The following PDZRN3 variants were observed in gnomAD, a reference collection of about 807,000 sequenced individuals.
PDZRN3 encodes E3 ubiquitin-protein ligase PDZRN3.
In PDZRN3, 38 loss-of-function variants were observed where a neutral mutation model predicts 85.7. The ratio of observed to expected loss-of-function variants is 0.44; its 90% CI spans 0.34 to 0.58. The LOEUF (loss-of-function observed/expected upper bound fraction) is 0.58, where lower values mean the gene tolerates loss of function less well. Ranked by LOEUF, PDZRN3 falls within the 20% of genes least tolerant of loss-of-function variation. The probability of loss-of-function intolerance (pLI) is 0.01; values close to 1 mark genes in which losing one functional copy is unlikely to be tolerated. For missense variants in PDZRN3, 1,629 were observed against 1,506.4 expected (o/e 1.08, Z -1.35); for synonymous variants, 759 against 638.0 (o/e 1.19, Z -2.86).
chr3:73,470,036 G>A lies in PDZRN3; in HGVS notation c.919-65641C>T, dbSNP rs144897160. Among the ~76,000 whole-genome samples, 1,101 of 152,186 alleles carry A rather than the reference G, an allele frequency of 7.2e-3. 11 individuals carry two copies. Among genetic ancestry groups the A allele is most frequent in the African/African-American group, 0.025 (1,038 of 41,508 alleles). On this transcript the variant is annotated intron_variant, in intron 3 of 9. Coordinates refer to ENST00000263666, the MANE Select transcript of PDZRN3 (RefSeq NM_015009.3). Reference sequence around the variant, plus strand: ...CTCCTCAGCAGTGACAACCAAAAACGTCTCCAGACATTATTAAATGTTCCT... The same window carrying A: ...CTCCTCAGCAGTGACAACCAAAAACATCTCCAGACATTATTAAATGTTCCT...
At position 73,516,656 on chromosome 3, in the gene PDZRN3, G is replaced by A. The variant is rs529841658; in HGVS notation, c.918+85698C>T. On this transcript the variant is annotated intron_variant, in intron 3 of 9. Coordinates refer to ENST00000263666, the MANE Select transcript of PDZRN3 (RefSeq NM_015009.3). Reference sequence around the variant, plus strand: ...ACCAATCTTTTTCTTTATGGTTTCTGGGTAGGCTGGATAAAAAATAGATTT... The same window carrying A: ...ACCAATCTTTTTCTTTATGGTTTCTAGGTAGGCTGGATAAAAAATAGATTT... 4.5e-4 allele frequency among the ~76,000 whole-genome samples: 69 copies of A among 152,180 alleles called. 1 individual carries two copies. The highest frequency in any genetic ancestry group is 1.4e-3 in the African/African-American group (60 of 41,510).
chr3:73,615,878 G>GA (rs1559758805), intron 1 of PDZRN3, among the ~76,000 whole-genome samples: 1 of 151,952 alleles, frequency 6.6e-6, no homozygotes, highest in East Asian at 1.9e-4. Flanking sequence ...CCTAAATAAA[G>GA]AAAAAAGTGC....
chr3:73,503,374 G>A (rs1704017001), intron 3 of PDZRN3, among the ~76,000 whole-genome samples: 1 of 152,062 alleles, frequency 6.6e-6, no homozygotes, highest in African/African-American at 2.4e-5. Flanking sequence ...TTAAACATCT[G>A]GGAATGCATA....
intron 3 of PDZRN3, among the ~76,000 whole-genome samples, chr3:73,500,919 CT>C (rs1173674991): frequency 2.0e-5 from 3 of 151,756 alleles, no homozygotes; most frequent in East Asian, 1.9e-4. Context: ...TATATCATTT[CT>C]TTTTTTTTCT....
intron 2 of PDZRN3, among the ~76,000 whole-genome samples, chr3:73,607,245 C>A (rs967871348): frequency 6.6e-5 from 10 of 152,202 alleles, no homozygotes; most frequent in African/African-American, 2.4e-4. Flanking sequence ...ATTTTAATTT[C>A]ATTATTTAAA....
Position 73,505,286 on chromosome 3 carries a change from C to T in PDZRN3, c.918+97068G>A, listed in dbSNP as rs1704050088. On this transcript the variant is annotated intron_variant, in intron 3 of 9. Coordinates refer to ENST00000263666, the MANE Select transcript of PDZRN3 (RefSeq NM_015009.3). ...CTCTGATTGAGCCCTTTGAGAAAAC[C>T]CCAGTCCTTAAAGATAGACTTTGCT... is the stretch of plus-strand genomic sequence containing the variant. Among the ~76,000 whole-genome samples, 4 of 152,078 alleles carry T rather than the reference C, an allele frequency of 2.6e-5. No individual in the cohort carries two copies. In the South Asian group the frequency reaches 8.3e-4, roughly 32 times the overall value.
chr3:73,568,658 C>T (rs559124172), intron 3 of PDZRN3, among the ~76,000 whole-genome samples: 4 of 152,316 alleles, frequency 2.6e-5, no homozygotes, highest in South Asian at 2.1e-4. Flanking sequence ...TATGGTAGCA[C>T]ATGGCAGCAG....
chr3:73,390,929 G>A lies in PDZRN3; in HGVS notation c.1353+89C>T. ...ATTTGTGTCTTTCCAAAGAGATCTTGATGAGGTGGGTTAGGGTTGGTGAAC... is the reference window on the plus strand; with the variant it reads ...ATTTGTGTCTTTCCAAAGAGATCTTAATGAGGTGGGTTAGGGTTGGTGAAC... On this transcript the variant is annotated intron_variant, in intron 6 of 9. Coordinates refer to ENST00000263666, the MANE Select transcript of PDZRN3 (RefSeq NM_015009.3). 5.2e-6 allele frequency: 4 copies of A among 767,160 alleles called. 1 individual carries two copies. Among genetic ancestry groups the A allele is most frequent in the Middle Eastern group, 2.6e-4 (1 of 3,892 alleles). 47.5% of individuals were successfully genotyped at this position (767,160 alleles called of 1,614,324 possible). A position where few individuals can be genotyped will look rare whatever the true frequency, so the allele number is the denominator to read the frequency against.
chr3:73,592,010 T>G (rs759096789), intron 3 of PDZRN3, among the ~76,000 whole-genome samples: 1 of 152,194 alleles, frequency 6.6e-6, no homozygotes, highest in Non-Finnish European at 1.5e-5. Context: ...TAATGGTTTC[T>G]CTTCCCCTGT....
chr3:73,399,080 C>CG (rs988528354), intron 5 of PDZRN3, among the ~76,000 whole-genome samples: 19 of 151,860 alleles, frequency 1.3e-4, no homozygotes, highest in African/African-American at 4.4e-4. Context: ...TTTTCCAGAG[C>CG]GGGGGGCTGT....
intron 3 of PDZRN3, among the ~76,000 whole-genome samples, chr3:73,527,530 T>C (rs1373751820): frequency 6.6e-6 from 1 of 152,134 alleles, no homozygotes; most frequent in Admixed American, 6.5e-5. Context: ...AAAAATTCCA[T>C]CTGTACTAGA....
At chr3:73,413,083 C>T (rs1012954351) in intron 3 of PDZRN3, among the ~76,000 whole-genome samples, 2 of 152,194 alleles carry the variant, frequency 1.3e-5, no homozygotes, top group Non-Finnish European at 2.9e-5. Context: ...AAGTAAAGCT[C>T]TTGGCACAGT....
In PDZRN3 at chr3:73,385,801, GC is replaced by G; in HGVS notation, c.1519-17del. On this transcript the variant is annotated splice_polypyrimidine_tract_variant and intron_variant, in intron 8 of 9. Coordinates refer to ENST00000263666, the MANE Select transcript of PDZRN3 (RefSeq NM_015009.3). ...CCTCATCCAGCTGCAGGCAAGAGCA[GC>G]CAACACATGCCTTAGAAGTTTCCTT... 1 of 1,338,468 alleles carries G rather than the reference GC, an allele frequency of 7.5e-7. No homozygotes were observed. Among genetic ancestry groups the G allele is most frequent in the Non-Finnish European group, 1.1e-6 (1 of 929,074 alleles). The allele number at this position is 1,338,468 out of a possible 1,614,324, so 82.9% of individuals were successfully genotyped here.
chr3:73,582,151 T>C (rs1702211786), intron 3 of PDZRN3, among the ~76,000 whole-genome samples: 1 of 152,176 alleles, frequency 6.6e-6, no homozygotes, highest in Non-Finnish European at 1.5e-5. Context: ...GTTTCTATTT[T>C]GTATAATCAT....
intron 3 of PDZRN3, among the ~76,000 whole-genome samples, chr3:73,420,477 A>C (rs1490124792): frequency 6.6e-6 from 1 of 152,210 alleles, no homozygotes; most frequent in Non-Finnish European, 1.5e-5. Context: ...AATTTTCCCT[A>C]AAAGTACTGC....
chr3:73,575,694 G>A (rs892794223), intron 3 of PDZRN3, among the ~76,000 whole-genome samples: 1 of 152,192 alleles, frequency 6.6e-6, no homozygotes, highest in South Asian at 2.1e-4. Context: ...GACAAATGAA[G>A]ACTGGCTCTA....
chr3:73,408,491 T>A (rs142119482), intron 3 of PDZRN3, among the ~76,000 whole-genome samples: 25 of 152,206 alleles, frequency 1.6e-4, no homozygotes, highest in African/African-American at 6.0e-4. Context: ...CCGTAAGGCT[T>A]CTTGACTTCC....
intron 3 of PDZRN3, among the ~76,000 whole-genome samples, chr3:73,498,442 T>C (rs945632898): frequency 6.6e-6 from 1 of 152,100 alleles, no homozygotes; most frequent in Admixed American, 6.5e-5. Context: ...CAACACCACC[T>C]AGGCATTTGA....
At chr3:73,459,764 T>C (rs531028319) in intron 3 of PDZRN3, among the ~76,000 whole-genome samples, 51 of 152,348 alleles carry the variant, frequency 3.3e-4, no homozygotes, top group Admixed American at 2.9e-3. Context: ...TTGATGGGCA[T>C]TTTGGTTGAT....
Sources: allele counts gnomAD v4.1 joint callset (sites outside exome capture counted in the v4.1 genomes callset), GRCh38; gene constraint gnomAD v4.1.1; transcripts MANE v1.5; gene names NCBI Gene and HGNC (gene_info 2026-07-23, HGNC 2026-07-21).